Variants in NUMB observed in about 807,000 individuals in gnomAD.
The protein encoded by NUMB is NUMB endocytic adaptor protein.
NUMB carries 29 observed loss-of-function variants against 59.7 expected under a neutral mutation model. That is an observed-to-expected ratio of 0.49 (90% CI 0.36 to 0.66). The LOEUF (loss-of-function observed/expected upper bound fraction) is 0.66. Among genes scored for constraint, NUMB ranks in the 30% least tolerant of loss-of-function variants. The pLI is 0.00. For synonymous variants in NUMB, 288 were observed against 288.2 expected, an observed-to-expected ratio of 1.00 and a Z score of 0.01; for missense variants, 723 against 822.0, an observed-to-expected ratio of 0.88 and a Z score of 1.47.
At chr14:73,359,713 GGA>G (rs1185531259) in intron 3 of NUMB, among the ~76,000 whole-genome samples, 1 of 152,052 alleles carries the variant, frequency 6.6e-6, no homozygotes, top group Non-Finnish European at 1.5e-5. Flanking sequence ...CAATGGGGTA[GGA>G]GAGAGAAAAA....
intron 6 of NUMB, among the ~76,000 whole-genome samples, chr14:73,301,084 G>A (rs1890102644): frequency 6.6e-6 from 1 of 152,180 alleles, no homozygotes; most frequent in East Asian, 1.9e-4. Flanking sequence ...ATCATTCACT[G>A]CTGTATCCCT....
Position 73,275,864 on chromosome 14 carries a change from A to AAATC in NUMB, c.*710_*713dup, listed in dbSNP as rs1301879328. Reference sequence around the variant, plus strand: ...TTTTATTTCAGTAGGCATCAATGATAAATCAATCTTATGTACAATTTCTTA... The same window carrying AAATC: ...TTTTATTTCAGTAGGCATCAATGATAAATCAATCAATCTTATGTACAATTTCTTA... On this transcript the variant is annotated 3_prime_UTR_variant, in exon 13 of 13. Coordinates refer to ENST00000555238, the MANE Select transcript of NUMB (RefSeq NM_001005743.2). 1.3e-5 allele frequency: 2 copies of AAATC among 152,122 alleles called. No individual in the cohort carries two copies. The highest frequency in any genetic ancestry group is 3.9e-4 in the East Asian group (2 of 5,194). 9.4% of individuals were successfully genotyped at this position (152,122 alleles called of 1,614,324 possible).
At chr14:73,329,363 G>A (rs1051831990) in intron 4 of NUMB, among the ~76,000 whole-genome samples, 1 of 152,092 alleles carries the variant, frequency 6.6e-6, no homozygotes, top group Non-Finnish European at 1.5e-5. Context: ...ATTCAGGTAT[G>A]GTAACCACTA....
At chr14:73,404,422 T>C (rs990216595) in intron 2 of NUMB, among the ~76,000 whole-genome samples, 2 of 152,142 alleles carry the variant, frequency 1.3e-5, no homozygotes, top group African/African-American at 4.8e-5. Flanking sequence ...TAAAGTATAA[T>C]ATCCTTTTTC....
intron 1 of NUMB, among the ~76,000 whole-genome samples, chr14:73,437,802 T>C (rs747029698): frequency 1.3e-5 from 2 of 152,146 alleles, no homozygotes; most frequent in East Asian, 1.9e-4. Flanking sequence ...TACAGATCAT[T>C]TGTACAGATT....
intron 1 of NUMB, among the ~76,000 whole-genome samples, chr14:73,453,453 C>G (rs903886695): frequency 5.3e-5 from 8 of 151,864 alleles, no homozygotes; most frequent in Non-Finnish European, 8.8e-5. Flanking sequence ...GTTTAATAAT[C>G]TCCAAAATAT....
intron 1 of NUMB, among the ~76,000 whole-genome samples, chr14:73,432,624 A>G (rs1897880567): frequency 6.6e-6 from 1 of 152,158 alleles, no homozygotes; most frequent in Non-Finnish European, 1.5e-5. Flanking sequence ...TTAAACTCAC[A>G]TATCATGTTT....
intron 1 of NUMB, among the ~76,000 whole-genome samples, chr14:73,429,954 A>C (rs1897753918): frequency 6.6e-6 from 1 of 152,004 alleles, no homozygotes; most frequent in African/African-American, 2.4e-5. Flanking sequence ...CAAAAAAAAA[A>C]AAAGGCATTA....
intron 4 of NUMB, 131 bp downstream of exon 4, chr14:73,355,495 T>C (rs1893735659): frequency 1.5e-6 from 1 of 657,784 alleles, no homozygotes; most frequent in South Asian, 4.1e-5. Flanking sequence ...TTTAATTCTA[T>C]CATTGAAGCA....
rs1555375287 is a variant in NUMB, at chr14:73,367,348, T to TATAGAGAGAGAG, written c.-100-368_-100-367insCTCTCTCTCTAT. Reference sequence around the variant, plus strand: ...ATATATACATATATATATATATATATAGAGAGAGAGAGAGAGAGAGAGAGA... The same window carrying TATAGAGAGAGAG: ...ATATATACATATATATATATATATATATAGAGAGAGAGAGAGAGAGAGAGAGAGAGAGAGAGA... On this transcript the variant is annotated intron_variant, in intron 2 of 12. Coordinates refer to ENST00000555238, the MANE Select transcript of NUMB (RefSeq NM_001005743.2). Among the ~76,000 whole-genome samples the TATAGAGAGAGAG allele has an allele frequency of 4.0e-3, 417 of 105,296 alleles. 2 individuals are homozygous for TATAGAGAGAGAG. The highest frequency in any genetic ancestry group is 6.6e-3 in the African/African-American group (132 of 19,968). 69.1% of individuals were successfully genotyped at this position (105,296 alleles called of 152,430 possible).
rs1888179111 is a variant in NUMB at position 73,276,685 on chromosome 14, CA to C, written c.1848del (p.Phe616LeufsTer8). On this transcript the variant is annotated frameshift_variant, in exon 13 of 13. Coordinates refer to ENST00000555238, the MANE Select transcript of NUMB (RefSeq NM_001005743.2). LOFTEE classifies it high-confidence loss of function. Reference protein sequence around the residue: ...VPTGTCPVDPFEAQWAALENK... With the variant: ...VPTGTCPVDPXEAQWAALENK... The stretch of plus-strand genomic sequence containing the variant: ...TTTTCTAATGCAGCCCACTGGGCTT[CA>C]AAAGGATCCACTGGGCAGGTGCCTG... 2 of 1,614,214 alleles carry C rather than the reference CA, an allele frequency of 1.2e-6. No homozygotes were observed. Among genetic ancestry groups the C allele is most frequent in the African/African-American group, 2.7e-5 (2 of 75,064 alleles).
At position 73,277,195 on chromosome 14, in the gene NUMB, CCTCTT is replaced by C; in HGVS notation, c.1334_1338del (p.Glu445GlyfsTer3). ...TGCTGAGCCCGGACGCTCTTAGACA[CCTCTT>C]CTAACCATCGGTCGGCCTCAGAGGG... On this transcript the variant is annotated frameshift_variant, in exon 13 of 13. Coordinates refer to ENST00000555238, the MANE Select transcript of NUMB (RefSeq NM_001005743.2). LOFTEE classifies it high-confidence loss of function. The C allele has an allele frequency of 6.2e-7, 1 of 1,614,086 alleles. No individual in the cohort carries two copies. Among genetic ancestry groups the C allele is most frequent in the East Asian group, 2.2e-5 (1 of 44,888 alleles).
intron 1 of NUMB, among the ~76,000 whole-genome samples, chr14:73,417,338 G>A (rs528747147): frequency 9.1e-4 from 138 of 152,178 alleles, no homozygotes; most frequent in Middle Eastern, 3.4e-3. Flanking sequence ...ACTCCTAGAC[G>A]CTACCATGGG....
At position 73,276,481 on chromosome 14, in the gene NUMB, A is replaced by G. The variant is rs1888160750; in HGVS notation, c.*97T>C. On this transcript the variant is annotated 3_prime_UTR_variant, in exon 13 of 13. Transcript: ENST00000555238. ...CTTGGGACCTTTGGGATTAGTGAAA[A>G]GAGTACTAATCAGGAGACAAAGTCT... is the stretch of plus-strand genomic sequence containing the variant. The G allele has an allele frequency of 9.0e-6, 8 of 891,164 alleles. No individual in the cohort carries two copies. The Admixed American group carries it at 1.8e-4, about 21-fold the overall frequency. 55.2% of individuals were successfully genotyped at this position (891,164 alleles called of 1,614,324 possible).
rs145237255 is a variant in NUMB at position 73,277,007 on chromosome 14, C to G, written c.1527G>C (p.Gln509His). 14 of 1,614,042 alleles carry G rather than the reference C, an allele frequency of 8.7e-6. No individual in the cohort carries two copies. In the African/African-American group the frequency reaches 1.7e-4, roughly 20 times the overall value. Residue 509 changes from glutamine to histidine, a missense_variant, in exon 13 of 13, where the codon CAG becomes CAC. Physicochemically the swap from Gln to His is conservative, Grantham distance 24. Transcript: ENST00000555238. ...GCATTCCATTGGCCACAGGATAGGACTGGGCAGGGACAAAGGCTGGTTGCA... is the reference window on the plus strand; with the variant it reads ...GCATTCCATTGGCCACAGGATAGGAGTGGGCAGGGACAAAGGCTGGTTGCA... ...PALQPAFVPA[Q>H]SYPVANGMPY...
intron 8 of NUMB, among the ~76,000 whole-genome samples, chr14:73,289,713 G>T (rs1889265178): frequency 6.6e-6 from 1 of 152,162 alleles, no homozygotes; most frequent in Non-Finnish European, 1.5e-5. Flanking sequence ...AAGACTGATA[G>T]AATTACTCTA....
At chr14:73,350,042 CACAT>C (rs1348724807) in intron 4 of NUMB, among the ~76,000 whole-genome samples, 3 of 145,734 alleles carry the variant, frequency 2.1e-5, no homozygotes, top group South Asian at 4.5e-4. Flanking sequence ...GGCTCTGTCT[CACAT>C]ACATACATAC....
chr14:73,352,266 T>C (rs1255558831), intron 4 of NUMB, among the ~76,000 whole-genome samples: 1 of 151,162 alleles, frequency 6.6e-6, no homozygotes, highest in Non-Finnish European at 1.5e-5. Flanking sequence ...CACCTTTTCA[T>C]GTAATTCATT....
At chr14:73,428,451 C>T (rs1333631393) in intron 1 of NUMB, among the ~76,000 whole-genome samples, 1 of 152,108 alleles carries the variant, frequency 6.6e-6, no homozygotes, top group African/African-American at 2.4e-5. Flanking sequence ...CAAAACTCTA[C>T]CAGTGAGGTC....
Sources: allele counts gnomAD v4.1 joint callset (sites outside exome capture counted in the v4.1 genomes callset), GRCh38; gene constraint gnomAD v4.1.1; transcripts MANE v1.5; gene names NCBI Gene and HGNC (gene_info 2026-07-23, HGNC 2026-07-21).